The following BMP5 variants were observed in gnomAD, a reference collection of about 807,000 sequenced individuals.
The protein encoded by BMP5 is bone morphogenetic protein 5.
In BMP5, 23 loss-of-function variants were observed where a neutral mutation model predicts 46.6. The ratio of observed to expected loss-of-function variants is 0.49; its 90% CI spans 0.35 to 0.70. The LOEUF (loss-of-function observed/expected upper bound fraction) is 0.70, where lower values mean the gene tolerates loss of function less well. Ranked by LOEUF, BMP5 falls within the 30% of genes least tolerant of loss-of-function variation. The pLI, the probability that BMP5 is intolerant of heterozygous loss-of-function variation, is 0.00. For missense variants in BMP5, 545 were observed against 565.6 expected (o/e 0.96, Z 0.37); for synonymous variants, 204 against 191.9 (o/e 1.06, Z -0.52).
At chr6:55,833,458 C>T (rs1476644082) in intron 1 of BMP5, among the ~76,000 whole-genome samples, 1 of 152,198 alleles carries the variant, frequency 6.6e-6, no homozygotes, top group Non-Finnish European at 1.5e-5. Context: ...TTGTGCTTTA[C>T]ATGTTTCCAG....
intron 4 of BMP5, among the ~76,000 whole-genome samples, chr6:55,768,930 A>T (rs1774981188): frequency 6.6e-6 from 1 of 151,986 alleles, no homozygotes; most frequent in East Asian, 1.9e-4. Context: ...ATTATACTAC[A>T]GTCAATTAAG....
chr6:55,850,381 GATAGATAGA>G (rs1777205778), intron 1 of BMP5, among the ~76,000 whole-genome samples: 2 of 143,470 alleles, frequency 1.4e-5, no homozygotes, highest in African/African-American at 6.0e-5. Flanking sequence ...TAGATAGATA[GATAGATAGA>G]TAGATCGATA....
intron 4 of BMP5, 54 bp downstream of exon 4, chr6:55,773,995 A>T (rs971850770): frequency 7.8e-5 from 123 of 1,580,184 alleles, no homozygotes; most frequent in Non-Finnish European, 9.8e-5. Context: ...CTTGATTTGC[A>T]GCATACGACC....
At chr6:55,814,509 A>T (rs1262053939) in intron 2 of BMP5, among the ~76,000 whole-genome samples, 1 of 152,192 alleles carries the variant, frequency 6.6e-6, no homozygotes, top group Non-Finnish European at 1.5e-5. Context: ...CAAGAAATAT[A>T]GAAATTTCCC....
chr6:55,759,172 A>AAAAAAAAC (rs1774697470), intron 5 of BMP5, 57 bp from the exon 6 acceptor site: 14 of 738,866 alleles, frequency 1.9e-5, no homozygotes, highest in South Asian at 1.0e-4. Context: ...AAAAAAAAAA[A>AAAAAAAAC]AAAAAAAAAA....
chr6:55,782,413 C>T (rs1431574247), intron 3 of BMP5, among the ~76,000 whole-genome samples: 1 of 152,100 alleles, frequency 6.6e-6, no homozygotes, highest in Non-Finnish European at 1.5e-5. Flanking sequence ...TGGCTATGGC[C>T]AGAAGGCCAT....
intron 1 of BMP5, among the ~76,000 whole-genome samples, chr6:55,826,935 A>G (rs896255907): frequency 2.0e-5 from 3 of 151,710 alleles, no homozygotes; most frequent in African/African-American, 7.2e-5. Flanking sequence ...TTCAACTAAT[A>G]ACAACTGCTA....
intron 2 of BMP5, among the ~76,000 whole-genome samples, chr6:55,805,516 C>T (rs532458917): frequency 2.0e-5 from 3 of 152,124 alleles, no homozygotes; most frequent in East Asian, 1.9e-4. Context: ...CATTGATGGG[C>T]ATTTGAGTTA....
At chr6:55,857,068 G>A (rs1582124948) in intron 1 of BMP5, among the ~76,000 whole-genome samples, 2 of 152,218 alleles carry the variant, frequency 1.3e-5, no homozygotes, top group East Asian at 3.9e-4. Context: ...TTTGTTCAAT[G>A]TCATTCAATT....
At chr6:55,812,541 C>T (rs1205245521) in intron 2 of BMP5, among the ~76,000 whole-genome samples, 1 of 152,118 alleles carries the variant, frequency 6.6e-6, no homozygotes, top group Non-Finnish European at 1.5e-5. Context: ...CCCAGCCAGT[C>T]CTAGGCAGTA....
chr6:55,843,545 T>C (rs1244849113), intron 1 of BMP5, among the ~76,000 whole-genome samples: 1 of 152,008 alleles, frequency 6.6e-6, no homozygotes, highest in Non-Finnish European at 1.5e-5. Context: ...TTAAGCTGCC[T>C]TTATCGCTAA....
chr6:55,776,404 C>A (rs1775172537), intron 3 of BMP5, among the ~76,000 whole-genome samples: 1 of 151,250 alleles, frequency 6.6e-6, no homozygotes, highest in Non-Finnish European at 1.5e-5. Context: ...AGGTGTAGCA[C>A]TTGAAATTGG....
At chr6:55,867,339 A>G (rs1408281546) in intron 1 of BMP5, among the ~76,000 whole-genome samples, 1 of 152,138 alleles carries the variant, frequency 6.6e-6, no homozygotes, top group Non-Finnish European at 1.5e-5. Flanking sequence ...GCCCAGGAGT[A>G]GTGAAGGCTA....
chr6:55,835,107 T>C (rs1366941947), intron 1 of BMP5, among the ~76,000 whole-genome samples: 1 of 151,690 alleles, frequency 6.6e-6, no homozygotes, highest in African/African-American at 2.4e-5. Flanking sequence ...AAAAATTATA[T>C]GTGGAGTGAG....
intron 1 of BMP5, among the ~76,000 whole-genome samples, chr6:55,845,714 G>T (rs1164373540): frequency 6.6e-6 from 1 of 151,952 alleles, no homozygotes; most frequent in Non-Finnish European, 1.5e-5. Context: ...AGGTTGTGAT[G>T]CTTCTCCCCT....
At chr6:55,852,967 T>TA (rs1777281826) in intron 1 of BMP5, among the ~76,000 whole-genome samples, 1 of 151,674 alleles carries the variant, frequency 6.6e-6, no homozygotes, top group South Asian at 2.1e-4. Flanking sequence ...CCATCTCTAC[T>TA]AAAAATACAA....
At chr6:55,780,625 C>A (rs963668228) in intron 3 of BMP5, among the ~76,000 whole-genome samples, 21 of 151,944 alleles carry the variant, frequency 1.4e-4, no homozygotes, top group African/African-American at 5.1e-4. Flanking sequence ...GACATTCTTT[C>A]TAAAAATTTT....
intron 4 of BMP5, among the ~76,000 whole-genome samples, chr6:55,765,424 A>G (rs115771932): frequency 0.016 from 2,455 of 152,276 alleles, 62 homozygotes; most frequent in African/African-American, 0.056. Flanking sequence ...CTTATTTCCC[A>G]AAGAGAAAGA....
At chr6:55,763,015 A>T (rs1384163184) in intron 4 of BMP5, among the ~76,000 whole-genome samples, 1 of 152,098 alleles carries the variant, frequency 6.6e-6, no homozygotes, top group Non-Finnish European at 1.5e-5. Flanking sequence ...CTTCTTTTCC[A>T]CGCAAACATT....
Sources: allele counts gnomAD v4.1 joint callset (sites outside exome capture counted in the v4.1 genomes callset), GRCh38; gene constraint gnomAD v4.1.1; transcripts MANE v1.5; gene names NCBI Gene and HGNC (gene_info 2026-07-23, HGNC 2026-07-21).